TFEB: variants seen among roughly 807,000 people sequenced by gnomAD.
TFEB encodes T-cell transcription factor EB.
Under a neutral mutation model 48.0 loss-of-function variants are expected in TFEB, and 12 were observed. That is an observed-to-expected ratio of 0.25 (90% CI 0.16 to 0.40). TFEB has a LOEUF of 0.40. Among genes scored for constraint, TFEB ranks in the 10% least tolerant of loss-of-function variants. TFEB has a pLI of 1.00. For synonymous variants in TFEB, 244 were observed against 261.4 expected (o/e 0.93, Z 0.64); for missense variants, 509 against 640.3 (o/e 0.79, Z 2.21).
chr6:41,735,564 CACCGAGCCCCGCGCCCG>C lies in TFEB; in HGVS notation c.-254_-238del, dbSNP rs1386217766. ...CCGCCCGGGCCGCCGCCTCCGCTGT[CACCGAGCCCCGCGCCCG>C]GCGCCCGGGCTCCGGCTGTCACTCC... On this transcript the variant is annotated 5_prime_UTR_variant, in exon 1 of 9. Coordinates refer to ENST00000373033, the MANE Select transcript of TFEB (RefSeq NM_001271944.2). The C allele has an allele frequency of 1.7e-5, 17 of 984,534 alleles. No homozygotes were observed. The highest frequency in any genetic ancestry group is 2.0e-5 in the Non-Finnish European group (17 of 829,714). The allele number at this position is 984,534 out of a possible 1,614,324, so 61.0% of individuals were successfully genotyped here. A position where few individuals can be genotyped will look rare whatever the true frequency, so the allele number is the denominator to read the frequency against.
chr6:41,701,000 A>C (rs1769890423), intron 1 of TFEB, among the ~76,000 whole-genome samples: 1 of 152,258 alleles, frequency 6.6e-6, no homozygotes, highest in South Asian at 2.1e-4. Context: ...GACGAGGGAC[A>C]TGTAGCTAAT....
chr6:41,690,942 T>C, intron 2 of TFEB, 25 bp from the exon 3 acceptor site: 1 of 1,572,326 alleles, frequency 6.4e-7, no homozygotes, highest in Non-Finnish European at 8.7e-7. Context: ...AGGCAAGGGC[T>C]CTAGGGGAGG....
rs1771397124 is a variant in TFEB at position 41,730,244 on chromosome 6, G to A, written c.-23+5106C>T. Among the ~76,000 whole-genome samples, 2 of 152,222 alleles carry A rather than the reference G, an allele frequency of 1.3e-5. No individual in the cohort carries two copies. Among genetic ancestry groups the A allele is most frequent in the Admixed American group, 1.3e-4 (2 of 15,288 alleles). ...AGCCAGGCTGCAGTAAGATGGAACA[G>A]TGCCCCGGTCTCTCTGAAATGTGTG... On this transcript the variant is annotated intron_variant, in intron 1 of 8. Transcript: ENST00000373033. The surrounding 1 kb of genome is among the most constrained non-coding windows in gnomAD (Gnocchi z 4.1).
chr6:41,684,345 C>A lies in TFEB; in HGVS notation c.*254G>T. On this transcript the variant is annotated 3_prime_UTR_variant, in exon 9 of 9. Transcript: ENST00000373033. The stretch of plus-strand genomic sequence containing the variant: ...GAACACCCTGCCCCTCCCTGCCCCG[C>A]GATTCCATCTCCGGGAGAGGGGCTG... 1 of 384,500 alleles carries A rather than the reference C, an allele frequency of 2.6e-6. No homozygotes were observed. The highest frequency in any genetic ancestry group is 4.6e-6 in the Non-Finnish European group (1 of 218,002). The allele number at this position is 384,500 out of a possible 1,614,324, so 23.8% of individuals were successfully genotyped here. A position where few individuals can be genotyped will look rare whatever the true frequency, so the allele number is the denominator to read the frequency against.
At chr6:41,718,185 G>T (rs1427454843) in intron 1 of TFEB, among the ~76,000 whole-genome samples, 1 of 150,716 alleles carries the variant, frequency 6.6e-6, no homozygotes, top group East Asian at 1.9e-4. Flanking sequence ...TTTTGGGGGT[G>T]TTTTTTTTTG....
In TFEB at chr6:41,691,253, C is replaced by T; in HGVS notation, c.-22-18G>A. 6.4e-7 allele frequency: 1 copy of T among 1,555,956 alleles called. No individual in the cohort carries two copies. The highest frequency in any genetic ancestry group is 8.7e-7 in the Non-Finnish European group (1 of 1,148,524). On this transcript the variant is annotated intron_variant, in intron 1 of 8. Coordinates refer to ENST00000373033, the MANE Select transcript of TFEB (RefSeq NM_001271944.2). This position sits in a 1 kb window ranked among gnomAD's most constrained non-coding sequence, Gnocchi z 5.2. ...CTGGCTCCCTGTGGATGAGAAGGGG[C>T]AGCAGGTATATGAGGCACGTGTCCT...
chr6:41,698,532 T>C (rs1283113019), intron 1 of TFEB, among the ~76,000 whole-genome samples: 2 of 152,140 alleles, frequency 1.3e-5, no homozygotes, highest in African/African-American at 4.8e-5. Flanking sequence ...GAAAAACATA[T>C]GTCTGGCGGC....
At chr6:41,685,478 TAAGA>T (rs1246384273) in intron 8 of TFEB, among the ~76,000 whole-genome samples, 3 of 152,156 alleles carry the variant, frequency 2.0e-5, no homozygotes, top group Admixed American at 6.5e-5. Context: ...TCATCTACCA[TAAGA>T]AAGAGAAACA....
At position 41,723,398 on chromosome 6, in the gene TFEB, C is replaced by T. The variant is rs1771065458; in HGVS notation, c.-23+11952G>A. On this transcript the variant is annotated intron_variant, in intron 1 of 8. Transcript: ENST00000373033. This position sits in a 1 kb window ranked among gnomAD's most constrained non-coding sequence, Gnocchi z 6.0. ...ACACAGGCTAACACACATGGACACA[C>T]ATTCACACACATGCTCACACACATG... is the stretch of plus-strand genomic sequence containing the variant. 1.9e-6 allele frequency: 2 copies of T among 1,036,288 alleles called. No individual in the cohort carries two copies. The highest frequency in any genetic ancestry group is 2.3e-5 in the Admixed American group (1 of 43,194). The allele number at this position is 1,036,288 out of a possible 1,614,324, so 64.2% of individuals were successfully genotyped here.
intron 1 of TFEB, among the ~76,000 whole-genome samples, chr6:41,711,168 C>G (rs553729023): frequency 2.6e-5 from 4 of 152,344 alleles, no homozygotes; most frequent in African/African-American, 9.6e-5. Context: ...ATTCATTTGG[C>G]CTTCCCAATA....
chr6:41,712,436 G>T (rs1770524243), intron 1 of TFEB, among the ~76,000 whole-genome samples: 1 of 152,176 alleles, frequency 6.6e-6, no homozygotes, highest in African/African-American at 2.4e-5. Flanking sequence ...TCCAACCCCG[G>T]CTCTGCTTCT....
intron 1 of TFEB, among the ~76,000 whole-genome samples, chr6:41,714,228 T>C (rs1561866833): frequency 1.3e-5 from 2 of 152,080 alleles, no homozygotes; most frequent in Admixed American, 6.6e-5. Context: ...TCTGTGTGTG[T>C]GCGTGTGTGT....
rs1771135738 is a variant in TFEB, at chr6:41,724,772, T to A, written c.-23+10578A>T. Among the ~76,000 whole-genome samples the A allele has an allele frequency of 6.6e-6, 1 of 152,206 alleles. No individual in the cohort carries two copies. The highest frequency in any genetic ancestry group is 1.5e-5 in the Non-Finnish European group (1 of 68,032). On this transcript the variant is annotated intron_variant, in intron 1 of 8. Transcript: ENST00000373033. This position sits in a 1 kb window ranked among gnomAD's most constrained non-coding sequence, Gnocchi z 4.4. ...CCCAAGGCTCCCAGAGAACCCCTCA[T>A]TTCTGCAGCCCTCATCAAAAGGCTG... is the stretch of plus-strand genomic sequence containing the variant.
chr6:41,735,430 A>C lies in TFEB; in HGVS notation c.-103T>G, dbSNP rs1168445193. On this transcript the variant is annotated 5_prime_UTR_variant, in exon 1 of 9. Transcript: ENST00000373033. The stretch of plus-strand genomic sequence containing the variant: ...TCGCAAGTTCGGGTGCCTGGCCCGC[A>C]AGCTGTGCCCGCCACCTGCTCCCGG... The C allele has an allele frequency of 2.6e-5, 26 of 984,918 alleles. No individual in the cohort carries two copies. Among genetic ancestry groups the C allele is most frequent in the Non-Finnish European group, 3.1e-5 (26 of 830,118 alleles). The allele number at this position is 984,918 out of a possible 1,614,324, so 61.0% of individuals were successfully genotyped here. A position where few individuals can be genotyped will look rare whatever the true frequency, so the allele number is the denominator to read the frequency against.
intron 1 of TFEB, among the ~76,000 whole-genome samples, chr6:41,706,391 C>T (rs542725297): frequency 2.0e-5 from 3 of 152,282 alleles, no homozygotes; most frequent in South Asian, 4.1e-4. Flanking sequence ...GGGGGCAGGA[C>T]GGGGCAGCCA....
intron 1 of TFEB, among the ~76,000 whole-genome samples, chr6:41,729,211 A>G (rs1346624012): frequency 6.6e-6 from 1 of 151,808 alleles, no homozygotes; most frequent in African/African-American, 2.4e-5. Flanking sequence ...CCCTGCCCCC[A>G]GGGGCCAGCC....
intron 2 of TFEB, 26 bp downstream of exon 2, chr6:41,690,975 G>T (rs111737478): frequency 1.1e-5 from 17 of 1,567,092 alleles, no homozygotes; most frequent in African/African-American, 4.0e-5. Context: ...GGGACAGGGT[G>T]GGGGGCAGGC....
intron 4 of TFEB, 120 bp from the exon 5 acceptor site, chr6:41,688,148 CT>C (rs1193098738): frequency 7.8e-7 from 1 of 1,285,832 alleles, no homozygotes; most frequent in African/African-American, 1.5e-5. Context: ...CAAAATTCAC[CT>C]TGGGCCCTTT....
At chr6:41,708,142 G>C (rs965814346) in intron 1 of TFEB, among the ~76,000 whole-genome samples, 3 of 152,088 alleles carry the variant, frequency 2.0e-5, no homozygotes, top group African/African-American at 7.3e-5. Flanking sequence ...CCTCTGCTGT[G>C]AGTGCCTGGA....
Sources: gnomAD v4.1 joint callset for allele counts (sites outside exome capture counted in the v4.1 genomes callset) on GRCh38, gnomAD v4.1.1 for gene constraint, Gnocchi (gnomAD v3.1) non-coding constraint, MANE v1.5 for transcripts, NCBI Gene and HGNC (gene_info 2026-07-23, HGNC 2026-07-21) for gene names.